The following TTLL12 variants were observed in gnomAD, a reference collection of about 807,000 sequenced individuals.
TTLL12 encodes tubulin--tyrosine ligase-like protein 12.
In TTLL12, 77 loss-of-function variants were observed where a neutral mutation model predicts 79.6. That is an observed-to-expected ratio of 0.97 (90% confidence interval 0.81 to 1.17). TTLL12 has a LOEUF of 1.17. Among genes scored for constraint, TTLL12 ranks in the 50% most tolerant of loss-of-function variants. The probability of loss-of-function intolerance (pLI) is 0.00; values close to 1 mark genes in which losing one functional copy is unlikely to be tolerated. For synonymous variants in TTLL12, 437 were observed against 376.1 expected (o/e 1.16, Z -1.87); for missense variants, 969 against 895.9 (o/e 1.08, Z -1.04).
In TTLL12 at chr22:43,187,082, C is replaced by G; in HGVS notation, c.-13G>C. ...GCTCGGCCTCCATGGCGCCAGCACC[C>G]GCGCCGACTCCAGCGCCGCCACCGC... On this transcript the variant is annotated 5_prime_UTR_variant, in exon 1 of 14. Coordinates refer to ENST00000216129, the MANE Select transcript of TTLL12 (RefSeq NM_015140.4). 2 of 1,143,380 alleles carry G rather than the reference C, an allele frequency of 1.7e-6. No homozygotes were observed. The highest frequency in any genetic ancestry group is 1.7e-5 in the African/African-American group (1 of 60,566). 70.8% of individuals were successfully genotyped at this position (1,143,380 alleles called of 1,614,324 possible).
chr22:43,170,612 TA>T (rs1312545555), intron 11 of TTLL12, among the ~76,000 whole-genome samples: 2 of 152,068 alleles, frequency 1.3e-5, no homozygotes, highest in African/African-American at 4.8e-5. Context: ...GATATTTACA[TA>T]AAAACCTAAG....
At chr22:43,176,729 C>CAA (rs869094672) in intron 5 of TTLL12, among the ~76,000 whole-genome samples, 965 of 58,750 alleles carry the variant, frequency 0.016, 25 homozygotes, top group African/African-American at 0.06. Flanking sequence ...GACTACATCT[C>CAA]AAAAAAAAAA....
At chr22:43,176,686 C>A (rs1931923205) in intron 5 of TTLL12, among the ~76,000 whole-genome samples, 1 of 137,836 alleles carries the variant, frequency 7.3e-6, no homozygotes, top group Admixed American at 7.8e-5. Flanking sequence ...GCCGAGATTG[C>A]GCCACTGCAC....
At chr22:43,181,618 C>T (rs138949) in intron 2 of TTLL12, among the ~76,000 whole-genome samples, 13,575 of 152,250 alleles carry the variant, frequency 0.089, 726 homozygotes, top group Non-Finnish European at 0.12. Context: ...ACAGGGCTGA[C>T]CATAATCCTC....
chr22:43,169,052 T>C (rs1352307272), intron 12 of TTLL12, 140 bp from the exon 13 acceptor site: 2 of 1,139,638 alleles, frequency 1.8e-6, no homozygotes, highest in East Asian at 2.6e-5. Flanking sequence ...GACCTCACCA[T>C]GGCCACCTCC....
At chr22:43,170,293 G>A (rs1177710619) in intron 11 of TTLL12, 1 of 248,656 alleles carries the variant, frequency 4.0e-6, no homozygotes, top group Non-Finnish European at 7.9e-6. Context: ...GGGTCCTAGG[G>A]AGTAGGCTTC....
In TTLL12 at chr22:43,174,241, CTG is replaced by C; in HGVS notation, c.1195_1196del (p.Gln399ValfsTer90). On this transcript the variant is annotated frameshift_variant, in exon 8 of 14. Transcript: ENST00000216129. LOFTEE classifies it high-confidence loss of function. ...CCCGCTGCTGGAAGTAGCTGACAAA[CTG>C]GGGCAGCTCAGTGCGCAGGTTGAAG... is the stretch of plus-strand genomic sequence containing the variant. ...RTFNLRTELP[Q>X]FVSYFQQRER... 1 of 1,607,250 alleles carries C rather than the reference CTG, an allele frequency of 6.2e-7. No individual in the cohort carries two copies. Among genetic ancestry groups the C allele is most frequent in the Non-Finnish European group, 8.5e-7 (1 of 1,179,886 alleles).
At chr22:43,185,348 G>A (rs947116618) in intron 1 of TTLL12, among the ~76,000 whole-genome samples, 10 of 148,160 alleles carry the variant, frequency 6.7e-5, no homozygotes, top group Non-Finnish European at 1.3e-4. Flanking sequence ...GCCGGCCTAA[G>A]GTGAGGCAGG....
At position 43,176,301 on chromosome 22, in the gene TTLL12, GT is replaced by G. The variant is rs1931907018; in HGVS notation, c.917+18del. The G allele has an allele frequency of 1.3e-6, 2 of 1,518,382 alleles. No individual in the cohort carries two copies. Among genetic ancestry groups the G allele is most frequent in the Non-Finnish European group, 1.8e-6 (2 of 1,113,284 alleles). The allele number at this position is 1,518,382 out of a possible 1,614,324, so 94.1% of individuals were successfully genotyped here. A position where few individuals can be genotyped will look rare whatever the true frequency, so the allele number is the denominator to read the frequency against. The stretch of plus-strand genomic sequence containing the variant: ...CTGCGGACAAGTCCCAGCCCAAGCA[GT>G]GGGGGGGGGCTACGCACTTGAAGAT... On this transcript the variant is annotated intron_variant, in intron 6 of 13. Coordinates refer to ENST00000216129, the MANE Select transcript of TTLL12 (RefSeq NM_015140.4).
chr22:43,176,785 C>G (rs987589497), intron 5 of TTLL12, among the ~76,000 whole-genome samples: 9 of 151,334 alleles, frequency 5.9e-5, no homozygotes, highest in Non-Finnish European at 1.3e-4. Context: ...AGCCTCACCA[C>G]CTGGCATCAG....
rs758269034 is a variant in TTLL12 at position 43,168,759 on chromosome 22, G to C, written c.1783+15C>G. On this transcript the variant is annotated intron_variant, in intron 13 of 13. Transcript: ENST00000216129. ...GCCTGCTGGTTTGGATCAGGAGATGGGGAGCCCCTCTTACCATCTGGGCCG... is the reference window on the plus strand; with the variant it reads ...GCCTGCTGGTTTGGATCAGGAGATGCGGAGCCCCTCTTACCATCTGGGCCG... 2 of 1,550,898 alleles carry C rather than the reference G, an allele frequency of 1.3e-6. No individual in the cohort carries two copies. Among genetic ancestry groups the C allele is most frequent in the African/African-American group, 1.4e-5 (1 of 73,132 alleles).
rs1356640796 is a variant in TTLL12 at position 43,168,928 on chromosome 22, C to A, written c.1645-16G>T. On this transcript the variant is annotated splice_polypyrimidine_tract_variant and intron_variant, in intron 12 of 13. Transcript: ENST00000216129. ...AGATCTCAGCCTGGGGACCGGGGAG[C>A]CTGAGTTACGAGGCCTGCTCAGAAC... The A allele has an allele frequency of 1.2e-6, 2 of 1,604,898 alleles. No homozygotes were observed. The highest frequency in any genetic ancestry group is 1.7e-6 in the Non-Finnish European group (2 of 1,175,854).
intron 10 of TTLL12, 64 bp downstream of exon 10, chr22:43,172,339 C>T (rs990563238): frequency 1.3e-5 from 21 of 1,591,088 alleles, no homozygotes; most frequent in Non-Finnish European, 1.7e-5. Context: ...GCCCATCACC[C>T]ACCCGCTACC....
Position 43,167,409 on chromosome 22 carries a change from C to G in TTLL12, c.*599G>C. 1.3e-5 allele frequency: 4 copies of G among 301,330 alleles called. No homozygotes were observed. The highest frequency in any genetic ancestry group is 1.1e-4 in the South Asian group (4 of 35,028). The allele number at this position is 301,330 out of a possible 1,614,324, so 18.7% of individuals were successfully genotyped here. A position where few individuals can be genotyped will look rare whatever the true frequency, so the allele number is the denominator to read the frequency against. ...TTTGCTGGTGAAGGTTCTGGGTGAG[C>G]TGGAATGGGTGATAAGGCGGGCTTG... On this transcript the variant is annotated 3_prime_UTR_variant, in exon 14 of 14. Transcript: ENST00000216129.
In TTLL12 at chr22:43,167,021, C is replaced by G. The variant is rs1419359827; in HGVS notation, c.*987G>C. On this transcript the variant is annotated 3_prime_UTR_variant, in exon 14 of 14. Coordinates refer to ENST00000216129, the MANE Select transcript of TTLL12 (RefSeq NM_015140.4). Reference sequence around the variant, plus strand: ...AACGCTGGCAGCTGACTCCTAATTTCAGAAACACAATTAGAAAAGAACTGG... The same window carrying G: ...AACGCTGGCAGCTGACTCCTAATTTGAGAAACACAATTAGAAAAGAACTGG... 1.8e-5 allele frequency: 6 copies of G among 328,038 alleles called. No individual in the cohort carries two copies. Among genetic ancestry groups the G allele is most frequent in the Non-Finnish European group, 3.7e-5 (6 of 164,194 alleles). 20.3% of individuals were successfully genotyped at this position (328,038 alleles called of 1,614,324 possible).
At position 43,167,211 on chromosome 22, in the gene TTLL12, C is replaced by A. The variant is rs1355233845; in HGVS notation, c.*797G>T. On this transcript the variant is annotated 3_prime_UTR_variant, in exon 14 of 14. Coordinates refer to ENST00000216129, the MANE Select transcript of TTLL12 (RefSeq NM_015140.4). Reference sequence around the variant, plus strand: ...CAGCCCCAGCCCCAGGCGCCCCTTGCCGAAGGATCCTGGCCCATCTCACAC... The same window carrying A: ...CAGCCCCAGCCCCAGGCGCCCCTTGACGAAGGATCCTGGCCCATCTCACAC... The A allele has an allele frequency of 1.9e-6, 1 of 531,798 alleles. No individual in the cohort carries two copies. The highest frequency in any genetic ancestry group is 3.9e-6 in the Non-Finnish European group (1 of 259,468). 32.9% of individuals were successfully genotyped at this position (531,798 alleles called of 1,614,324 possible).
chr22:43,183,931 C>T (rs909829158), intron 1 of TTLL12, among the ~76,000 whole-genome samples: 1 of 152,244 alleles, frequency 6.6e-6, no homozygotes, highest in Non-Finnish European at 1.5e-5. Context: ...ACTTAACTAT[C>T]CCATGCGTGT....
At chr22:43,171,667 C>A in intron 11 of TTLL12, 152 bp downstream of exon 11, 1 of 610,542 alleles carries the variant, frequency 1.6e-6, no homozygotes, top group Non-Finnish European at 2.9e-6. Flanking sequence ...ATGATGGCAG[C>A]GCTAACAATC....
intron 5 of TTLL12, 59 bp downstream of exon 5, chr22:43,179,560 C>T: frequency 4.7e-6 from 7 of 1,504,174 alleles, no homozygotes; most frequent in South Asian, 1.3e-5. Context: ...GGTGTGTGCA[C>T]AGAGAACATT....
Sources: allele counts gnomAD v4.1 joint callset (sites outside exome capture counted in the v4.1 genomes callset), GRCh38; gene constraint gnomAD v4.1.1; transcripts MANE v1.5; gene names NCBI Gene and HGNC (gene_info 2026-07-23, HGNC 2026-07-21).